Variants in ZBTB11 observed in about 807,000 individuals in gnomAD.
The protein encoded by ZBTB11 is zinc finger and BTB domain containing 11.
A neutral mutation model predicts 113.1 loss-of-function variants in ZBTB11; 68 were observed. The ratio of observed to expected loss-of-function variants is 0.60; its 90% CI spans 0.49 to 0.74. The LOEUF (loss-of-function observed/expected upper bound fraction) is 0.74. ZBTB11 is among the 30% of genes least tolerant of loss of function. ZBTB11 has a pLI of 0.00. For synonymous variants in ZBTB11, 518 were observed against 452.6 expected, an observed-to-expected ratio of 1.14 and a Z score of -1.83; for missense variants, 1,104 against 1,279.4, an observed-to-expected ratio of 0.86 and a Z score of 2.09.
chr3:101,650,818 A>C lies in ZBTB11; in HGVS notation c.*348T>G, dbSNP rs558325656. ...CCTTTTAAATGCAAAATGTATAATAAAGTAATGTCAAAATGCAAATGAAAC... is the reference window on the plus strand; with the variant it reads ...CCTTTTAAATGCAAAATGTATAATACAGTAATGTCAAAATGCAAATGAAAC... On this transcript the variant is annotated 3_prime_UTR_variant, in exon 11 of 11. Coordinates refer to ENST00000312938, the MANE Select transcript of ZBTB11 (RefSeq NM_014415.4). 5.5e-5 allele frequency: 9 copies of C among 163,768 alleles called. No homozygotes were observed. In the South Asian group the frequency reaches 9.9e-4, roughly 18 times the overall value. 10.1% of individuals were successfully genotyped at this position (163,768 alleles called of 1,614,324 possible).
chr3:101,649,295 A>G lies in ZBTB11; in HGVS notation c.*1871T>C, dbSNP rs1290532587. ...CTTGTCCATATCAATTATATGTAAGAGTAAGAAGTTTTAATATTGTGTTCC... is the reference window on the plus strand; with the variant it reads ...CTTGTCCATATCAATTATATGTAAGGGTAAGAAGTTTTAATATTGTGTTCC... On this transcript the variant is annotated 3_prime_UTR_variant, in exon 11 of 11. Coordinates refer to ENST00000312938, the MANE Select transcript of ZBTB11 (RefSeq NM_014415.4). 1 of 152,200 alleles carries G rather than the reference A, an allele frequency of 6.6e-6. No individual in the cohort carries two copies. Among genetic ancestry groups the G allele is most frequent in the Non-Finnish European group, 1.5e-5 (1 of 68,036 alleles). The allele number at this position is 152,200 out of a possible 1,614,324, so 9.4% of individuals were successfully genotyped here.
chr3:101,659,955 G>A lies in ZBTB11; in HGVS notation c.1874C>T (p.Pro625Leu), dbSNP rs1936860034. ...CGTGGAATTGGACGAGGATGAAGAG[G>A]GTGCATCTTTTCTGGTATGACGAAT... is the stretch of plus-strand genomic sequence containing the variant. ...HLIRHTRKDA[P>L]SSSSSNSTSN... The change falls in exon 6 of 11, where the codon CCC becomes CTC. Residue 625 changes from proline (P) to leucine (L), a missense_variant. By Grantham distance (98) the Pro-to-Leu change is moderately conservative. Transcript: ENST00000312938. 3 of 1,613,988 alleles carry A rather than the reference G, an allele frequency of 1.9e-6. No individual in the cohort carries two copies. Among genetic ancestry groups the A allele is most frequent in the Non-Finnish European group, 1.7e-6 (2 of 1,180,022 alleles).
At chr3:101,657,529 G>A (rs893474753) in intron 6 of ZBTB11, among the ~76,000 whole-genome samples, 11 of 151,400 alleles carry the variant, frequency 7.3e-5, no homozygotes, top group African/African-American at 2.7e-4. Context: ...ACAAAAACCT[G>A]GCAGGGTGGG....
intron 2 of ZBTB11, 149 bp from the exon 3 acceptor site, chr3:101,671,510 G>A: frequency 1.6e-6 from 1 of 641,392 alleles, no homozygotes. Flanking sequence ...TAAATAAAAA[G>A]ATATGTTGTC....
chr3:101,664,912 T>C, intron 4 of ZBTB11, 52 bp downstream of exon 4: 2 of 1,553,714 alleles, frequency 1.3e-6, no homozygotes, highest in Non-Finnish European at 1.7e-6. Flanking sequence ...ATCAATACAA[T>C]GCTTTCAACC....
intron 8 of ZBTB11, among the ~76,000 whole-genome samples, chr3:101,653,858 A>C (rs1936747711): frequency 6.6e-6 from 1 of 152,116 alleles, no homozygotes; most frequent in African/African-American, 2.4e-5. Flanking sequence ...CCCTGAACCT[A>C]AAAGTTAAAA....
rs1470733176 is a variant in ZBTB11, at chr3:101,665,814, T to G, written c.779-6A>C. On this transcript the variant is annotated splice_region_variant and splice_polypyrimidine_tract_variant and intron_variant, in intron 3 of 10. Coordinates refer to ENST00000312938, the MANE Select transcript of ZBTB11 (RefSeq NM_014415.4). ...GAAGCTGGCCTTACAAAAACCTGTA[T>G]GAATACAAAGAAGGTAAAGACAAAA... 6.4e-7 allele frequency: 1 copy of G among 1,571,982 alleles called. No homozygotes were observed. The highest frequency in any genetic ancestry group is 8.6e-7 in the Non-Finnish European group (1 of 1,164,116).
chr3:101,665,678 A>G lies in ZBTB11; in HGVS notation c.909T>C (p.Ile303=), dbSNP rs772468156. The change falls in exon 4 of 11, where the codon ATT becomes ATC. Residue 303 remains isoleucine, a synonymous_variant. Transcript: ENST00000312938. ...RHLFMSEVLE[I]CESVHKLMEE... ...CCATTAGCTTATGTACACTTTCACAAATCTCTAAGACTTCTGACATGAAAA... is the reference window on the plus strand; with the variant it reads ...CCATTAGCTTATGTACACTTTCACAGATCTCTAAGACTTCTGACATGAAAA... 10 of 1,614,176 alleles carry G rather than the reference A, an allele frequency of 6.2e-6. No individual in the cohort carries two copies. In the East Asian group the frequency reaches 1.6e-4, roughly 25 times the overall value.
intron 2 of ZBTB11, 107 bp from the exon 3 acceptor site, chr3:101,671,468 T>A: frequency 1.3e-6 from 1 of 777,984 alleles, no homozygotes. Flanking sequence ...CAGGTATGAA[T>A]AATTTGATAT....
intron 3 of ZBTB11, among the ~76,000 whole-genome samples, chr3:101,670,349 G>A (rs7632449): frequency 0.13 from 19,054 of 152,120 alleles, 1,235 homozygotes; most frequent in South Asian, 0.22. Flanking sequence ...ATGAGAAAAC[G>A]TATAAATAAT....
At position 101,672,166 on chromosome 3, in the gene ZBTB11, G is replaced by T. The variant is rs142875469; in HGVS notation, c.358C>A (p.Gln120Lys). 7.7e-5 allele frequency: 125 copies of T among 1,614,004 alleles called. No individual in the cohort carries two copies. Among genetic ancestry groups the T allele is most frequent in the Middle Eastern group, 1.7e-4 (1 of 6,058 alleles). The part of the protein sequence containing the change: ...KDYIKQCSKC[Q>K]EKLDRSRPIS... ...GGACGGGATCGATCTAGTTTCTCCT[G>T]GCATTTGCTACACTGTTTAATGTAA... The change falls in exon 2 of 11, where the codon CAG becomes AAG. Residue 120 changes from glutamine (Q) to lysine (K), a missense_variant. Coordinates refer to ENST00000312938, the MANE Select transcript of ZBTB11 (RefSeq NM_014415.4).
In ZBTB11 at chr3:101,649,328, G is replaced by A. The variant is rs1260283512; in HGVS notation, c.*1838C>T. On this transcript the variant is annotated 3_prime_UTR_variant, in exon 11 of 11. Transcript: ENST00000312938. ...GTTTTAATATTGTGTTCCTCCAATC[G>A]TTATTTTTTAGTGTTTTATTTCCTT... 4 of 152,100 alleles carry A rather than the reference G, an allele frequency of 2.6e-5. No homozygotes were observed. The highest frequency in any genetic ancestry group is 3.9e-4 in the East Asian group (2 of 5,190). The allele number at this position is 152,100 out of a possible 1,614,324, so 9.4% of individuals were successfully genotyped here.
rs1232242843 is a variant in ZBTB11 at position 101,659,940 on chromosome 3, G to A, written c.1889C>T (p.Ser630Phe). The A allele has an allele frequency of 8.1e-6, 13 of 1,614,080 alleles. No homozygotes were observed. In the East Asian group the frequency reaches 2.9e-4, roughly 36 times the overall value. The change falls in exon 6 of 11, where the codon TCC becomes TTC. Residue 630 changes from serine (S) to phenylalanine (F), a missense_variant. This residue lies in a region of ZBTB11 where 535 missense variants were observed against 518.6 expected (regional missense o/e 1.03). Coordinates refer to ENST00000312938, the MANE Select transcript of ZBTB11 (RefSeq NM_014415.4). The part of the protein sequence containing the change: ...TRKDAPSSSS[S>F]NSTSNEASGT... ...CGATGCTTCATTAGACGTGGAATTGGACGAGGATGAAGAGGGTGCATCTTT... is the reference window on the plus strand; with the variant it reads ...CGATGCTTCATTAGACGTGGAATTGAACGAGGATGAAGAGGGTGCATCTTT...
chr3:101,675,756 G>A (rs1354998235), intron 1 of ZBTB11, among the ~76,000 whole-genome samples: 2 of 152,096 alleles, frequency 1.3e-5, no homozygotes, highest in Non-Finnish European at 2.9e-5. Flanking sequence ...GTTCCCAAAC[G>A]CGTTTTTCAC....
At chr3:101,674,792 C>A (rs947441021) in intron 1 of ZBTB11, among the ~76,000 whole-genome samples, 9 of 146,478 alleles carry the variant, frequency 6.1e-5, no homozygotes, top group Admixed American at 3.4e-4. Context: ...AAAAAAAAAA[C>A]AACTGGATTA....
Position 101,672,219 on chromosome 3 carries a change from A to C in ZBTB11, c.311-6T>G. The C allele has an allele frequency of 1.3e-6, 2 of 1,577,306 alleles. No homozygotes were observed. The highest frequency in any genetic ancestry group is 1.7e-6 in the Non-Finnish European group (2 of 1,158,780). On this transcript the variant is annotated splice_polypyrimidine_tract_variant and splice_region_variant and intron_variant, in intron 1 of 10. Coordinates refer to ENST00000312938, the MANE Select transcript of ZBTB11 (RefSeq NM_014415.4). ...TTTGACTTGCTTCAATATACCTACA[A>C]TGAAAATATTAACAAGTCAAATTTA...
chr3:101,676,817 A>T lies in ZBTB11; in HGVS notation c.98T>A (p.Ile33Asn), dbSNP rs769063858. The change falls in exon 1 of 11, where the codon ATC (isoleucine) becomes AAC (asparagine). Residue 33 changes from isoleucine to asparagine, a missense_variant. Ile to Asn is a moderately radical substitution (Grantham distance 149, BLOSUM62 -3). Around this residue, in one of 5 missense-constraint regions of ZBTB11, gnomAD observed 245 missense variants for 272.5 expected, o/e 0.90. Coordinates refer to ENST00000312938, the MANE Select transcript of ZBTB11 (RefSeq NM_014415.4). The stretch of plus-strand genomic sequence containing the variant: ...CACGTAGCAGGCGGCAGCTTTTCGG[A>T]TTTTACGCTTGACATTGCCCTCGGT... The part of the protein sequence containing the change: ...PGTEGNVKRK[I>N]RKAAACYVVR... The T allele has an allele frequency of 6.2e-7, 1 of 1,612,450 alleles. No individual in the cohort carries two copies. The highest frequency in any genetic ancestry group is 8.5e-7 in the Non-Finnish European group (1 of 1,179,614).
chr3:101,668,230 A>T (rs140512309), intron 3 of ZBTB11, among the ~76,000 whole-genome samples: 1 of 152,236 alleles, frequency 6.6e-6, no homozygotes, highest in African/African-American at 2.4e-5. Context: ...GTATAGGAGG[A>T]GGTTGATTAA....
Position 101,671,398 on chromosome 3 carries a change from A to G in ZBTB11, c.547-37T>C, listed in dbSNP as rs1185339435. On this transcript the variant is annotated intron_variant, in intron 2 of 10. Coordinates refer to ENST00000312938, the MANE Select transcript of ZBTB11 (RefSeq NM_014415.4). Reference sequence around the variant, plus strand: ...AGTTTGAGAGCAAGAGTAACATATTACCTGTATTTTTTACCCTTAACAAGC... The same window carrying G: ...AGTTTGAGAGCAAGAGTAACATATTGCCTGTATTTTTTACCCTTAACAAGC... 4 of 1,519,752 alleles carry G rather than the reference A, an allele frequency of 2.6e-6. No homozygotes were observed. In the Admixed American group the frequency reaches 6.8e-5, roughly 26 times the overall value. 94.1% of individuals were successfully genotyped at this position (1,519,752 alleles called of 1,614,324 possible). A position where few individuals can be genotyped will look rare whatever the true frequency, so the allele number is the denominator to read the frequency against.
Sources: allele counts gnomAD v4.1 joint callset (sites outside exome capture counted in the v4.1 genomes callset), GRCh38; gene constraint gnomAD v4.1.1; regional missense constraint gnomAD v4.1.1; transcripts MANE v1.5; gene names NCBI Gene and HGNC (gene_info 2026-07-23, HGNC 2026-07-21).